The following ZFC3H1 variants were observed in gnomAD, a reference collection of about 807,000 sequenced individuals.
The protein encoded by ZFC3H1 is zinc finger C3H1-type containing.
In ZFC3H1, 71 loss-of-function variants were observed where a neutral mutation model predicts 243.7. That is an observed-to-expected ratio of 0.29 (90% confidence interval 0.24 to 0.36). ZFC3H1 has a LOEUF of 0.36. Among genes scored for constraint, ZFC3H1 ranks in the 10% least tolerant of loss-of-function variants. ZFC3H1 has a pLI of 1.00. For synonymous variants in ZFC3H1, 838 were observed against 813.0 expected, an observed-to-expected ratio of 1.03 and a Z score of -0.52; for missense variants, 1,966 against 2,317.1, an observed-to-expected ratio of 0.85 and a Z score of 3.11.
Position 71,644,925 on chromosome 12 carries a change from C to G in ZFC3H1, c.1231G>C (p.Val411Leu), listed in dbSNP as rs1880690580. ...GAATGTGTTTTTGTACTTGTTTTAACTTTTTGCTGTACAGTTTTCGTCTTA... is the reference window on the plus strand; with the variant it reads ...GAATGTGTTTTTGTACTTGTTTTAAGTTTTTGCTGTACAGTTTTCGTCTTA... The part of the protein sequence containing the change: ...LTKTKTVQQK[V>L]KTSTKTHSAK... The change falls in exon 4 of 35, where the codon GTT (valine) becomes CTT (leucine). Residue 411 changes from valine (V) to leucine (L), a missense_variant. Physicochemically the swap from Val to Leu is conservative, Grantham distance 32 (BLOSUM62 1). Around this residue, in one of 4 missense-constraint regions of ZFC3H1, gnomAD observed 91 missense variants for 107.6 expected, o/e 0.85. Transcript: ENST00000378743. The G allele has an allele frequency of 6.2e-7, 1 of 1,612,600 alleles. No homozygotes were observed. The highest frequency in any genetic ancestry group is 1.1e-5 in the South Asian group (1 of 91,004).
intron 7 of ZFC3H1, 100 bp from the exon 8 acceptor site, chr12:71,637,159 ATTAT>A (rs1306175540): frequency 9.4e-7 from 1 of 1,058,350 alleles, no homozygotes; most frequent in Non-Finnish European, 1.3e-6. Context: ...ACTTTACATT[ATTAT>A]TTTAGCTGTA....
At chr12:71,656,670 T>C (rs1881026526) in intron 2 of ZFC3H1, 6 of 590,256 alleles carry the variant, frequency 1.0e-5, no homozygotes, top group Middle Eastern at 4.4e-4. Flanking sequence ...CATTCTATTA[T>C]AGAGGCCAGA....
chr12:71,657,389 CCT>C (rs1321301141), intron 1 of ZFC3H1, 88 bp from the exon 2 acceptor site: 2 of 985,204 alleles, frequency 2.0e-6, no homozygotes, highest in African/African-American at 1.7e-5. Flanking sequence ...GAATTTTCTC[CCT>C]TTTTAATTTT....
chr12:71,647,708 G>A, intron 3 of ZFC3H1, 41 bp downstream of exon 3: 2 of 1,099,724 alleles, frequency 1.8e-6, no homozygotes, highest in Non-Finnish European at 2.6e-6. Flanking sequence ...ATGCAAAAAT[G>A]GGTCTTACAG....
At chr12:71,633,941 A>T (rs906605765) in intron 12 of ZFC3H1, among the ~76,000 whole-genome samples, 3 of 152,234 alleles carry the variant, frequency 2.0e-5, no homozygotes, top group Non-Finnish European at 4.4e-5. Context: ...TATAGGCGTG[A>T]GCCACCGCGC....
chr12:71,649,297 C>T (rs1371968634), intron 2 of ZFC3H1, among the ~76,000 whole-genome samples: 1 of 152,148 alleles, frequency 6.6e-6, no homozygotes, highest in African/African-American at 2.4e-5. Flanking sequence ...TTATAAGCCA[C>T]AGCCATCCAC....
At chr12:71,619,539 G>A in intron 26 of ZFC3H1, 130 bp from the exon 27 acceptor site, 1 of 767,894 alleles carries the variant, frequency 1.3e-6, no homozygotes, top group Non-Finnish European at 2.0e-6. Context: ...GGGGCGGAGG[G>A]GATAAGTTTG....
chr12:71,613,889 A>C (rs1025455119), intron 30 of ZFC3H1: 1 of 152,450 alleles, frequency 6.6e-6, no homozygotes, highest in Non-Finnish European at 1.5e-5. Flanking sequence ...CCCCACCAAA[A>C]ATAAATAAAT....
At chr12:71,626,549 G>A in intron 21 of ZFC3H1, 103 bp from the exon 22 acceptor site, 1 of 1,030,826 alleles carries the variant, frequency 9.7e-7, no homozygotes, top group Non-Finnish European at 1.3e-6. Flanking sequence ...TTTTCTACTA[G>A]AATTTACCAA....
chr12:71,624,155 A>G lies in ZFC3H1; in HGVS notation c.4455T>C (p.Val1485=). The change falls in exon 23 of 35, where the codon GTT becomes GTC. Residue 1485 remains valine (V), a synonymous_variant. Transcript: ENST00000378743. ...ATCTTCCAGTAAATATGTGCAGCTG[A>G]ACTCTAAACAAAAGAGCCTCTAAAA... is the stretch of plus-strand genomic sequence containing the variant. The part of the protein sequence containing the change: ...FQLLEALLFR[V]QLHIFTGRCQ... The G allele has an allele frequency of 6.2e-7, 1 of 1,614,066 alleles. No homozygotes were observed. The highest frequency in any genetic ancestry group is 8.5e-7 in the Non-Finnish European group (1 of 1,180,008).
At position 71,624,237 on chromosome 12, in the gene ZFC3H1, A is replaced by G. The variant is rs768362698; in HGVS notation, c.4373T>C (p.Leu1458Ser). 6.2e-7 allele frequency: 1 copy of G among 1,614,040 alleles called. No homozygotes were observed. The highest frequency in any genetic ancestry group is 8.5e-7 in the Non-Finnish European group (1 of 1,179,942). Residue 1458 changes from leucine (L) to serine (S), a missense_variant, in exon 23 of 35, where the codon TTG becomes TCG. Around this residue, in one of 4 missense-constraint regions of ZFC3H1, gnomAD observed 1,383 missense variants for 1,723.7 expected, o/e 0.80. Coordinates refer to ENST00000378743, the MANE Select transcript of ZFC3H1 (RefSeq NM_144982.5). ...EEKDYVCERM[L>S]EFLMGAAKQE... is the part of the protein sequence containing the mutation. Reference sequence around the variant, plus strand: ...CTTGGCTGCTCCCATCAGAAACTCCAACATTCTCTCACATACGTAATCCTT... The same window carrying G: ...CTTGGCTGCTCCCATCAGAAACTCCGACATTCTCTCACATACGTAATCCTT...
rs1248501505 is a variant in ZFC3H1 at position 71,632,476 on chromosome 12, T to G, written c.2856A>C (p.Ser952=). 1 of 1,595,758 alleles carries G rather than the reference T, an allele frequency of 6.3e-7. No individual in the cohort carries two copies. Among genetic ancestry groups the G allele is most frequent in the African/African-American group, 1.3e-5 (1 of 74,206 alleles). Residue 952 remains serine, a synonymous_variant, in exon 15 of 35, where the codon TCA becomes TCC. Coordinates refer to ENST00000378743, the MANE Select transcript of ZFC3H1 (RefSeq NM_144982.5). Reference sequence around the variant, plus strand: ...GTTCTGCTGAATGCTTTCTTGGACTTGATACTGGAGAACTGTCCAGTCTCA... The same window carrying G: ...GTTCTGCTGAATGCTTTCTTGGACTGGATACTGGAGAACTGTCCAGTCTCA... ...KMMRLDSSPV[S]SPRKHSAELI...
In ZFC3H1 at chr12:71,623,474, C is replaced by A; in HGVS notation, c.4630G>T (p.Asp1544Tyr). ...CTTGAAGGATTATCATTAGATGGAT[C>A]ATAAAATTTTGAAGGGAGAATGTTG... The part of the protein sequence containing the change: ...EFNILPSKFY[D>Y]PSNDNPSRIV... Residue 1544 changes from aspartate to tyrosine, a missense_variant, in exon 24 of 35, where the codon GAT becomes TAT. Coordinates refer to ENST00000378743, the MANE Select transcript of ZFC3H1 (RefSeq NM_144982.5). The A allele has an allele frequency of 6.2e-7, 1 of 1,613,784 alleles. No individual in the cohort carries two copies. Among genetic ancestry groups the A allele is most frequent in the Non-Finnish European group, 8.5e-7 (1 of 1,179,852 alleles).
chr12:71,628,682 A>G (rs1880233651), intron 20 of ZFC3H1, among the ~76,000 whole-genome samples: 1 of 152,254 alleles, frequency 6.6e-6, no homozygotes, highest in African/African-American at 2.4e-5. Context: ...ATTATTAACT[A>G]AGCAGTGCTC....
At chr12:71,640,687 C>A in intron 6 of ZFC3H1, among the ~76,000 whole-genome samples, 1 of 152,192 alleles carries the variant, frequency 6.6e-6, no homozygotes, top group East Asian at 1.9e-4. Flanking sequence ...GCACTGTGTG[C>A]TCCAGCTGGC....
Position 71,659,862 on chromosome 12 carries a change from TGA to T in ZFC3H1, c.599-2563_599-2562del, listed in dbSNP as rs759745204. 6.6e-5 allele frequency among the ~76,000 whole-genome samples: 10 copies of T among 152,328 alleles called. No homozygotes were observed. The South Asian group carries it at 1.0e-3, about 16-fold the overall frequency. Reference sequence around the variant, plus strand: ...TGAAAATGGAATGACTTTTTACTGATGAGAGACACTAGCCTAATTATGTTAGC... The same window carrying T: ...TGAAAATGGAATGACTTTTTACTGATGAGACACTAGCCTAATTATGTTAGC... On this transcript the variant is annotated intron_variant, in intron 1 of 34. Transcript: ENST00000378743.
chr12:71,610,286 G>A lies in ZFC3H1; in HGVS notation c.*142C>T, dbSNP rs1043849389. The A allele has an allele frequency of 2.5e-5, 25 of 1,001,798 alleles. No homozygotes were observed. Among genetic ancestry groups the A allele is most frequent in the Non-Finnish European group, 3.6e-5 (25 of 687,348 alleles). The allele number at this position is 1,001,798 out of a possible 1,614,324, so 62.1% of individuals were successfully genotyped here. A position where few individuals can be genotyped will look rare whatever the true frequency, so the allele number is the denominator to read the frequency against. ...TTCATTGCTTCCGGTTTTGAGGACA[G>A]GATATTGTAGGGAACTTGATATGAT... On this transcript the variant is annotated 3_prime_UTR_variant, in exon 35 of 35. Transcript: ENST00000378743.
At position 71,635,493 on chromosome 12, in the gene ZFC3H1, C is replaced by G. The variant is rs1880436278; in HGVS notation, c.2188G>C (p.Val730Leu). 6.3e-7 allele frequency: 1 copy of G among 1,577,964 alleles called. No individual in the cohort carries two copies. Among genetic ancestry groups the G allele is most frequent in the African/African-American group, 1.4e-5 (1 of 72,326 alleles). The change falls in exon 10 of 35, where the codon GTT becomes CTT. Residue 730 changes from valine to leucine, a missense_variant. Transcript: ENST00000378743. ...ATCATGGACTCTAATCCACCAAAAA[C>G]ACTATTTGTTGACTTGGAAGCCTCT... ...DGEASKSTNSVFGGLESMIKE... is the reference protein window; with the variant it reads ...DGEASKSTNSLFGGLESMIKE...
At chr12:71,658,352 G>A (rs948832444) in intron 1 of ZFC3H1, among the ~76,000 whole-genome samples, 2 of 143,042 alleles carry the variant, frequency 1.4e-5, no homozygotes, top group South Asian at 2.2e-4. Flanking sequence ...GCAGTGGTGC[G>A]ATCTCGGCTC....
Sources: gnomAD v4.1 joint callset for allele counts (sites outside exome capture counted in the v4.1 genomes callset) on GRCh38, gnomAD v4.1.1 for gene constraint, gnomAD v4.1.1 regional missense constraint, MANE v1.5 for transcripts, NCBI Gene and HGNC (gene_info 2026-07-23, HGNC 2026-07-21) for gene names.